Variants in PUDP observed in about 807,000 individuals in gnomAD.
The protein encoded by PUDP is pseudouridine-5'-phosphatase.
Under a neutral mutation model 9.4 loss-of-function variants are expected in PUDP, and 8 were observed. That is an observed-to-expected ratio of 0.85 (90% CI 0.50 to 1.53). The LOEUF (loss-of-function observed/expected upper bound fraction) is 1.53, where lower values mean the gene tolerates loss of function less well. Ranked by LOEUF, PUDP falls within the 40% of genes most tolerant of loss-of-function variation. The pLI, the probability that PUDP is intolerant of heterozygous loss-of-function variation, is 0.00. For synonymous variants in PUDP, 99 were observed against 80.7 expected, an observed-to-expected ratio of 1.23 and a Z score of -1.22; for missense variants, 188 against 189.7, an observed-to-expected ratio of 0.99 and a Z score of 0.05.
At chrX:7,126,554 G>T (rs1049149137) in intron 1 of PUDP, among the ~76,000 whole-genome samples, 7 of 111,836 alleles carry the variant, frequency 6.3e-5, no homozygotes, top group Non-Finnish European at 9.4e-5. Context: ...AGCAGGGTTG[G>T]TCTCTTCTGA....
chrX:6,872,109 C>T (rs1233328443), intron 3 of PUDP, among the ~76,000 whole-genome samples: 4 of 110,785 alleles, frequency 3.6e-5, no homozygotes, highest in Non-Finnish European at 7.6e-5. Context: ...GACCTCATCA[C>T]TTCCCCAAGG....
chrX:7,075,807 T>C (rs755354857), intron 3 of PUDP, among the ~76,000 whole-genome samples: 1 of 111,811 alleles, frequency 8.9e-6, no homozygotes, highest in East Asian at 2.8e-4. Flanking sequence ...GTTTTATCCT[T>C]CATAACAAAG....
chrX:7,086,521 G>A (rs1854841227), intron 2 of PUDP, among the ~76,000 whole-genome samples: 1 of 112,104 alleles, frequency 8.9e-6, no homozygotes, highest in Non-Finnish European at 1.9e-5. Context: ...CACAGCCACT[G>A]TGAGTGGGCG....
chrX:7,115,745 G>T (rs934329612), intron 1 of PUDP, among the ~76,000 whole-genome samples: 1 of 112,545 alleles, frequency 8.9e-6, no homozygotes, highest in South Asian at 3.6e-4. Flanking sequence ...CTATGCTCCT[G>T]GCACACAGCA....
At chrX:7,067,354 C>T (rs1930591088) in intron 3 of PUDP, among the ~76,000 whole-genome samples, 1 of 111,656 alleles carries the variant, frequency 9.0e-6, no homozygotes, top group Non-Finnish European at 1.9e-5. Flanking sequence ...AACTAGAAAT[C>T]AACACTGCAG....
chrX:6,995,794 G>A (rs1929242529), intron 1 of PUDP, among the ~76,000 whole-genome samples: 1 of 107,734 alleles, frequency 9.3e-6, no homozygotes, highest in Non-Finnish European at 1.9e-5. Context: ...ATTATAGCTA[G>A]AAGAACAAGG....
At chrX:6,786,534 C>T (rs187821164) in intron 3 of PUDP, among the ~76,000 whole-genome samples, 178 of 112,470 alleles carry the variant, frequency 1.6e-3, no homozygotes, top group African/African-American at 5.1e-3. Context: ...TCCACTCTTT[C>T]GGGGCATTGT....
chrX:6,924,358 G>C (rs1202681536), intron 3 of PUDP, among the ~76,000 whole-genome samples: 1 of 111,924 alleles, frequency 8.9e-6, no homozygotes, highest in Non-Finnish European at 1.9e-5. Context: ...GAGGGTAGTT[G>C]CTAATGAGAA....
chrX:6,979,501 A>C (rs1395457462), intron 1 of PUDP, among the ~76,000 whole-genome samples: 1 of 112,545 alleles, frequency 8.9e-6, no homozygotes, highest in Non-Finnish European at 1.9e-5. Context: ...CAATAGCATA[A>C]AATGGTAATG....
At chrX:6,771,143 A>C (rs1056965193) in intron 3 of PUDP, among the ~76,000 whole-genome samples, 1 of 111,615 alleles carries the variant, frequency 9.0e-6, no homozygotes, top group African/African-American at 3.3e-5. Flanking sequence ...TACCAGGCTC[A>C]GAGCCCTGGG....
chrX:7,037,409 A>G (rs1929867811), intron 1 of PUDP, among the ~76,000 whole-genome samples: 1 of 112,504 alleles, frequency 8.9e-6, no homozygotes, highest in Admixed American at 9.4e-5. Flanking sequence ...TGATTGAAAC[A>G]TGATGTAGGC....
intron 3 of PUDP, among the ~76,000 whole-genome samples, chrX:6,963,421 C>G (rs927614759): frequency 3.6e-5 from 4 of 111,229 alleles, no homozygotes; most frequent in Non-Finnish European, 7.5e-5. Context: ...TGTCTGAATG[C>G]CCTGTGGGAT....
upstream of PUDP, among the ~76,000 whole-genome samples, chrX:6,721,745 T>A (rs775053833): frequency 1.8e-5 from 2 of 112,129 alleles, no homozygotes; most frequent in Middle Eastern, 4.2e-3. Flanking sequence ...ATGTTTGTCA[T>A]CCTTAAATTA....
chrX:7,044,835 T>C (rs1929964326), downstream of PUDP, among the ~76,000 whole-genome samples: 1 of 112,945 alleles, frequency 8.9e-6, no homozygotes. Context: ...GTTTTCCCTA[T>C]TTCAGCAACT....
chrX:6,769,012 T>C (rs1036345743), intron 3 of PUDP, among the ~76,000 whole-genome samples: 1 of 111,840 alleles, frequency 8.9e-6, no homozygotes, highest in African/African-American at 3.2e-5. Context: ...ATTTTGTACA[T>C]AGAGAAGGCG....
intron 3 of PUDP, among the ~76,000 whole-genome samples, chrX:6,754,625 CAT>C (rs1369813747): frequency 5.6e-5 from 6 of 107,890 alleles, no homozygotes; most frequent in African/African-American, 1.0e-4. Context: ...AATATTATAA[CAT>C]AGTTTATAAA....
chrX:6,873,583 T>C (rs1927207648), intron 3 of PUDP, among the ~76,000 whole-genome samples: 1 of 111,929 alleles, frequency 8.9e-6, no homozygotes, highest in Non-Finnish European at 1.9e-5. Context: ...AAATAATGAA[T>C]TGGCAATTAT....
chrX:7,147,428 C>A (rs1409992340), intron 1 of PUDP, among the ~76,000 whole-genome samples: 2 of 111,512 alleles, frequency 1.8e-5, no homozygotes, highest in Non-Finnish European at 3.8e-5. Flanking sequence ...CTGGTCTGGA[C>A]TCCACTAGAT....
intron 3 of PUDP, among the ~76,000 whole-genome samples, chrX:6,727,703 G>A (rs1027844118): frequency 2.7e-5 from 3 of 111,797 alleles, no homozygotes; most frequent in African/African-American, 9.8e-5. Flanking sequence ...AGTGGGTGTG[G>A]CTGTCATCCC....
Sources: gnomAD v4.1 joint callset for allele counts (sites outside exome capture counted in the v4.1 genomes callset) on GRCh38, gnomAD v4.1.1 for gene constraint, MANE v1.5 for transcripts, NCBI Gene and HGNC (gene_info 2026-07-23, HGNC 2026-07-21) for gene names.